DNAAF5: variants seen among roughly 807,000 people sequenced by gnomAD.
DNAAF5 encodes the protein HEAT repeat containing 2.
Under a neutral mutation model 75.8 loss-of-function variants are expected in DNAAF5, and 64 were observed. That is an observed-to-expected ratio of 0.84 (90% CI 0.69 to 1.04). The LOEUF is 1.04. Ranked by LOEUF, DNAAF5 falls within the 50% of genes least tolerant of loss-of-function variation. The pLI, the probability that DNAAF5 is intolerant of heterozygous loss-of-function variation, is 0.00. For missense variants in DNAAF5, 1,269 were observed against 1,178.5 expected (o/e 1.08, Z -1.12); for synonymous variants, 657 against 557.2 (o/e 1.18, Z -2.52).
In DNAAF5 at chr7:754,849, G is replaced by C. The variant is rs374527717; in HGVS notation, c.1257+28G>C. ...AAGTGGCCGTATTCCAGTCGTGGTC[G>C]CGGAGCTGTAACTCGAGCTTAAGAT... On this transcript the variant is annotated intron_variant, in intron 5 of 12. Transcript: ENST00000297440. This position sits in a 1 kb window ranked among gnomAD's most constrained non-coding sequence, Gnocchi z 4.8. 2.0e-6 allele frequency: 3 copies of C among 1,513,120 alleles called. No individual in the cohort carries two copies. Among genetic ancestry groups the C allele is most frequent in the Admixed American group, 3.7e-5 (2 of 53,512 alleles). The allele number at this position is 1,513,120 out of a possible 1,614,324, so 93.7% of individuals were successfully genotyped here. A position where few individuals can be genotyped will look rare whatever the true frequency, so the allele number is the denominator to read the frequency against.
chr7:765,238 C>T (rs942153179), intron 8 of DNAAF5, among the ~76,000 whole-genome samples: 6 of 152,212 alleles, frequency 3.9e-5, no homozygotes, highest in Non-Finnish European at 7.3e-5. Context: ...CCCTCACAGC[C>T]GGCCTGTGTG....
At position 770,503 on chromosome 7, in the gene DNAAF5, G is replaced by A. The variant is rs200034358; in HGVS notation, c.1816G>A (p.Val606Met). 41 of 1,613,726 alleles carry A rather than the reference G, an allele frequency of 2.5e-5. No homozygotes were observed. Among genetic ancestry groups the A allele is most frequent in the South Asian group, 9.9e-5 (9 of 91,070 alleles). The change falls in exon 9 of 13, where the codon GTG becomes ATG. Residue 606 changes from valine to methionine, a missense_variant. Coordinates refer to ENST00000297440, the MANE Select transcript of DNAAF5 (RefSeq NM_017802.4). ...PALGEALPHV[V>M]PTLRACLQPS... is the part of the protein sequence containing the mutation. ...CCTGGGAGAAGCCCTGCCACACGTCGTGCCCACGCTGAGGGCCTGTCTGCA... is the reference window on the plus strand; with the variant it reads ...CCTGGGAGAAGCCCTGCCACACGTCATGCCCACGCTGAGGGCCTGTCTGCA...
chr7:726,735 G>A lies in DNAAF5; in HGVS notation c.15G>A (p.Gly5=), dbSNP rs1457734920. 11 of 1,243,860 alleles carry A rather than the reference G, an allele frequency of 8.8e-6. No individual in the cohort carries two copies. Among genetic ancestry groups the A allele is most frequent in the Non-Finnish European group, 1.1e-5 (11 of 995,008 alleles). 77.1% of individuals were successfully genotyped at this position (1,243,860 alleles called of 1,614,324 possible). A position where few individuals can be genotyped will look rare whatever the true frequency, so the allele number is the denominator to read the frequency against. The part of the protein sequence containing the change: MAAL[G]VAEAVAAPHP... Reference sequence around the variant, plus strand: ...ACGCGGGCAAGATGGCGGCGCTGGGGGTGGCGGAGGCCGTGGCGGCCCCAC... The same window carrying A: ...ACGCGGGCAAGATGGCGGCGCTGGGAGTGGCGGAGGCCGTGGCGGCCCCAC... Residue 5 remains glycine (G), a synonymous_variant, in exon 1 of 13, where the codon GGG becomes GGA. Transcript: ENST00000297440.
chr7:779,451 A>G (rs969289983), intron 11 of DNAAF5, among the ~76,000 whole-genome samples: 2 of 152,226 alleles, frequency 1.3e-5, no homozygotes, highest in African/African-American at 4.8e-5. Context: ...CATTAACCTC[A>G]TAAGTTTCTA....
intron 8 of DNAAF5, among the ~76,000 whole-genome samples, chr7:766,638 G>A (rs1782829400): frequency 1.3e-5 from 2 of 152,208 alleles, no homozygotes; most frequent in Admixed American, 1.3e-4. Context: ...TAAGAGTTGG[G>A]CACGGTGGCT....
At chr7:743,173 G>C (rs1342575822) in intron 4 of DNAAF5, among the ~76,000 whole-genome samples, 1 of 152,126 alleles carries the variant, frequency 6.6e-6, no homozygotes, top group Non-Finnish European at 1.5e-5. Context: ...AGACCAACCT[G>C]GGCAACACAG....
intron 11 of DNAAF5, among the ~76,000 whole-genome samples, chr7:777,818 G>A (rs4721019): frequency 0.63 from 95,587 of 151,994 alleles, 30,282 homozygotes; most frequent in South Asian, 0.67. Flanking sequence ...TCAAGATCAC[G>A]AGACAGAGAG....
At chr7:744,385 A>T (rs1223289051) in intron 4 of DNAAF5, among the ~76,000 whole-genome samples, 1 of 152,180 alleles carries the variant, frequency 6.6e-6, no homozygotes, top group Non-Finnish European at 1.5e-5. Context: ...TTGTGAATAG[A>T]GCTGCAATAA....
At chr7:735,637 T>G (rs1781720941) in intron 2 of DNAAF5, among the ~76,000 whole-genome samples, 2 of 152,252 alleles carry the variant, frequency 1.3e-5, no homozygotes, top group South Asian at 4.1e-4. Flanking sequence ...TATCAGTTGT[T>G]TGTAATGTCC....
At chr7:780,661 C>T (rs1195429360) in intron 12 of DNAAF5, among the ~76,000 whole-genome samples, 1 of 152,120 alleles carries the variant, frequency 6.6e-6, no homozygotes, top group East Asian at 1.9e-4. Context: ...TTCAGATAGG[C>T]GTGGGACTTC....
chr7:757,198 TAG>T (rs1193731436), intron 6 of DNAAF5, among the ~76,000 whole-genome samples: 3 of 152,264 alleles, frequency 2.0e-5, no homozygotes, highest in Non-Finnish European at 2.9e-5. Flanking sequence ...CCCTCGCTGA[TAG>T]CCCTTGTTCC....
intron 12 of DNAAF5, among the ~76,000 whole-genome samples, chr7:783,981 G>A (rs1284268616): frequency 1.3e-5 from 2 of 148,608 alleles, no homozygotes; most frequent in South Asian, 2.1e-4. Flanking sequence ...TCTTTCTCCT[G>A]TCTTTAAAAA....
intron 11 of DNAAF5, among the ~76,000 whole-genome samples, chr7:776,835 G>A (rs1321994394): frequency 6.6e-6 from 1 of 152,230 alleles, no homozygotes; most frequent in Non-Finnish European, 1.5e-5. Context: ...GAACCAGACT[G>A]CACAGCAGGA....
At chr7:762,904 G>A (rs1238488068) in intron 7 of DNAAF5, among the ~76,000 whole-genome samples, 5 of 152,202 alleles carry the variant, frequency 3.3e-5, no homozygotes, top group Admixed American at 2.6e-4. Context: ...ATGAGCCACC[G>A]CACCTGGCCA....
At chr7:782,300 C>A (rs1472954040) in intron 12 of DNAAF5, among the ~76,000 whole-genome samples, 1 of 151,222 alleles carries the variant, frequency 6.6e-6, no homozygotes, top group African/African-American at 2.4e-5. Flanking sequence ...CTCGGATCTT[C>A]CTGGCGTGGC....
Position 729,406 on chromosome 7 carries a change from G to A in DNAAF5, c.596-257G>A, listed in dbSNP as rs113620480. Among the ~76,000 whole-genome samples, 231 of 152,300 alleles carry A rather than the reference G, an allele frequency of 1.5e-3. 1 individual carries two copies. The highest frequency in any genetic ancestry group is 5.3e-3 in the African/African-American group (220 of 41,574). ...GGGTTTGCACCCCCAGCCTTTCCCC[G>A]CTGGTCCTCCTAAGCCTCTGGGTTG... On this transcript the variant is annotated intron_variant, in intron 1 of 12. Coordinates refer to ENST00000297440, the MANE Select transcript of DNAAF5 (RefSeq NM_017802.4).
chr7:757,254 G>C (rs1472411640), intron 6 of DNAAF5, among the ~76,000 whole-genome samples: 3 of 152,238 alleles, frequency 2.0e-5, no homozygotes, highest in Non-Finnish European at 4.4e-5. Context: ...CCCAGCCCCA[G>C]CCCCAGCTGC....
At chr7:734,614 T>C (rs1781678997) in intron 2 of DNAAF5, among the ~76,000 whole-genome samples, 1 of 152,270 alleles carries the variant, frequency 6.6e-6, no homozygotes, top group Non-Finnish European at 1.5e-5. Context: ...AGGTATTCCT[T>C]CCTCTTCTAG....
intron 10 of DNAAF5, 91 bp downstream of exon 10, chr7:774,289 G>C: frequency 7.5e-7 from 1 of 1,328,294 alleles, no homozygotes; most frequent in Non-Finnish European, 1.0e-6. Context: ...AGGAACTTGG[G>C]CAGGCAGCAG....
Sources: gnomAD v4.1 joint callset for allele counts (sites outside exome capture counted in the v4.1 genomes callset) on GRCh38, gnomAD v4.1.1 for gene constraint, Gnocchi (gnomAD v3.1) non-coding constraint, MANE v1.5 for transcripts, NCBI Gene and HGNC (gene_info 2026-07-23, HGNC 2026-07-21) for gene names.